SUGCT: variants seen among roughly 807,000 people sequenced by gnomAD.
The protein encoded by SUGCT is succinyl-CoA:glutarate CoA-transferase.
SUGCT carries 41 observed loss-of-function variants against 55.0 expected under a neutral mutation model. The ratio of observed to expected loss-of-function variants is 0.74; its 90% CI spans 0.58 to 0.97. The LOEUF (loss-of-function observed/expected upper bound fraction) is 0.97. Among genes scored for constraint, SUGCT ranks in the 50% least tolerant of loss-of-function variants. The pLI is 0.00. For synonymous variants in SUGCT, 187 were observed against 200.4 expected, an observed-to-expected ratio of 0.93 and a Z score of 0.56; for missense variants, 568 against 547.8, an observed-to-expected ratio of 1.04 and a Z score of -0.37.
chr7:40,821,121 A>T (rs949317513), intron 13 of SUGCT, among the ~76,000 whole-genome samples: 1 of 152,140 alleles, frequency 6.6e-6, no homozygotes, highest in Non-Finnish European at 1.5e-5. Context: ...AGCCCACTTG[A>T]TCATGGTTGA....
At chr7:40,268,653 AT>A (rs200344717) in intron 7 of SUGCT, among the ~76,000 whole-genome samples, 31 of 146,500 alleles carry the variant, frequency 2.1e-4, no homozygotes, top group Admixed American at 2.7e-4. Flanking sequence ...CTTGTTTTTA[AT>A]TTTTTTTTTT....
intron 13 of SUGCT, among the ~76,000 whole-genome samples, chr7:40,790,133 G>A (rs897894571): frequency 1.3e-5 from 2 of 152,182 alleles, no homozygotes; most frequent in African/African-American, 2.4e-5. Context: ...TGAATTAATC[G>A]TAGTTCCCAT....
chr7:40,397,417 C>A (rs1785798087), intron 9 of SUGCT, among the ~76,000 whole-genome samples: 1 of 152,132 alleles, frequency 6.6e-6, no homozygotes, highest in African/African-American at 2.4e-5. Context: ...TCTCTTATGG[C>A]ACTTAGCTTA....
intron 9 of SUGCT, among the ~76,000 whole-genome samples, chr7:40,349,422 C>G (rs1485883914): frequency 6.6e-6 from 1 of 151,998 alleles, no homozygotes; most frequent in South Asian, 2.1e-4. Flanking sequence ...AATCTCAGCT[C>G]AACTTCAGTG....
At chr7:40,944,124 GTTGT>G in the SUGCT span, among the ~76,000 whole-genome samples, 5 of 152,148 alleles carry the variant, frequency 3.3e-5, no homozygotes, top group African/African-American at 1.2e-4. Context: ...TTTTGATGGG[GTTGT>G]TTGTTTTTTT....
intron 13 of SUGCT, among the ~76,000 whole-genome samples, chr7:40,760,719 T>C (rs538233261): frequency 5.3e-5 from 8 of 152,156 alleles, no homozygotes; most frequent in Non-Finnish European, 7.4e-5. Flanking sequence ...TAGGCTAGAA[T>C]GGAGAGCATG....
chr7:40,484,486 G>A (rs968502941), intron 11 of SUGCT, among the ~76,000 whole-genome samples: 1 of 152,126 alleles, frequency 6.6e-6, no homozygotes, highest in African/African-American at 2.4e-5. Context: ...AGTGGCCTAA[G>A]GGTGGTCCTA....
At chr7:41,014,605 G>C in the SUGCT span, among the ~76,000 whole-genome samples, 4,666 of 152,294 alleles carry the variant, frequency 0.031, 227 homozygotes, top group African/African-American at 0.1. Flanking sequence ...TCAGCCTGGA[G>C]CTGCGGATCA....
At chr7:40,974,955 G>A in the SUGCT span, among the ~76,000 whole-genome samples, 147 of 152,264 alleles carry the variant, frequency 9.7e-4, 2 homozygotes, top group African/African-American at 3.4e-3. Context: ...CTGTATTAAA[G>A]CTCTCTGAGA....
chr7:40,971,057 A>T, the SUGCT span, among the ~76,000 whole-genome samples: 1 of 152,196 alleles, frequency 6.6e-6, no homozygotes, highest in Non-Finnish European at 1.5e-5. Flanking sequence ...TTCAAAACAG[A>T]GGTTTAATTG....
chr7:40,514,038 C>T (rs1206828321), intron 12 of SUGCT, among the ~76,000 whole-genome samples: 1 of 151,996 alleles, frequency 6.6e-6, no homozygotes, highest in Admixed American at 6.6e-5. Flanking sequence ...GATCCGCCCG[C>T]CTCGGCCTCC....
intron 13 of SUGCT, among the ~76,000 whole-genome samples, chr7:40,837,365 T>G (rs1359356649): frequency 6.6e-6 from 1 of 152,182 alleles, no homozygotes; most frequent in East Asian, 1.9e-4. Flanking sequence ...AATATTTTCT[T>G]CAAATTTGTA....
intron 1 of SUGCT, among the ~76,000 whole-genome samples, chr7:40,156,328 T>G (rs559926932): frequency 2.0e-5 from 3 of 152,010 alleles, no homozygotes. Context: ...CCCGGCGTGG[T>G]GAAGGGCACC....
At chr7:40,274,036 T>C (rs7458417) in intron 7 of SUGCT, among the ~76,000 whole-genome samples, 144,654 of 145,350 alleles carry the variant, frequency 1, 71,983 homozygotes, top group East Asian at 1. Flanking sequence ...CAGCTATTGG[T>C]GTGCTTACAA....
chr7:40,311,111 T>TATTC (rs1795124721), intron 8 of SUGCT, among the ~76,000 whole-genome samples: 2 of 152,228 alleles, frequency 1.3e-5, no homozygotes, highest in African/African-American at 2.4e-5. Flanking sequence ...TTTACCCAGA[T>TATTC]ATTCAGCAGG....
chr7:40,643,795 AG>A (rs1477716777), intron 12 of SUGCT, among the ~76,000 whole-genome samples: 1 of 152,172 alleles, frequency 6.6e-6, no homozygotes, highest in Non-Finnish European at 1.5e-5. Context: ...GAAGGGAGGA[AG>A]CTTTCACCCT....
intron 9 of SUGCT, among the ~76,000 whole-genome samples, chr7:40,432,621 T>A (rs1389458460): frequency 6.9e-6 from 1 of 145,880 alleles, no homozygotes; most frequent in Non-Finnish European, 1.5e-5. Context: ...GGGAGGTGGA[T>A]GTTGCAGTGA....
At chr7:40,471,210 G>A (rs1583767583) in intron 11 of SUGCT, among the ~76,000 whole-genome samples, 1 of 152,024 alleles carries the variant, frequency 6.6e-6, no homozygotes, top group Non-Finnish European at 1.5e-5. Flanking sequence ...AAACATAATT[G>A]TATATAATTT....
intron 11 of SUGCT, among the ~76,000 whole-genome samples, chr7:40,494,434 G>A (rs1791863449): frequency 6.6e-6 from 1 of 152,194 alleles, no homozygotes; most frequent in Non-Finnish European, 1.5e-5. Flanking sequence ...AAGTAAGAAT[G>A]TAAAGAATTG....
Sources: gnomAD v4.1 joint callset for allele counts (sites outside exome capture counted in the v4.1 genomes callset) on GRCh38, gnomAD v4.1.1 for gene constraint, MANE v1.5 for transcripts, NCBI Gene and HGNC (gene_info 2026-07-23, HGNC 2026-07-21) for gene names.